The following MEF2B variants were observed in gnomAD, a reference collection of about 807,000 sequenced individuals.
MEF2B encodes the protein myocyte-specific enhancer factor 2B.
Under a neutral mutation model 32.2 loss-of-function variants are expected in MEF2B, and 15 were observed. That is an observed-to-expected ratio of 0.47 (90% CI 0.31 to 0.72). MEF2B has a LOEUF of 0.72. Among genes scored for constraint, MEF2B ranks in the 30% least tolerant of loss-of-function variants. The pLI, the probability that MEF2B is intolerant of heterozygous loss-of-function variation, is 0.05. For missense variants in MEF2B, 441 were observed against 511.5 expected (o/e 0.86, Z 1.33); for synonymous variants, 205 against 225.6 (o/e 0.91, Z 0.82).
At chr19:19,162,213 G>T (rs1236702970) in intron 1 of MEF2B, among the ~76,000 whole-genome samples, 2 of 152,048 alleles carry the variant, frequency 1.3e-5, no homozygotes, top group African/African-American at 4.8e-5. Context: ...CCAATTCCTG[G>T]GCTTAAGCAT....
At chr19:19,146,223 C>T (rs2060024836) in intron 8 of MEF2B, 50 bp downstream of exon 8, 2 of 898,232 alleles carry the variant, frequency 2.2e-6, no homozygotes, top group Non-Finnish European at 1.6e-6. Context: ...GGGTCAGCAG[C>T]GGCCGGGGCT....
intron 1 of MEF2B, among the ~76,000 whole-genome samples, chr19:19,153,116 GC>G (rs759449041): frequency 1.6e-4 from 25 of 152,320 alleles, no homozygotes; most frequent in Middle Eastern, 3.4e-3. Flanking sequence ...TGCCCCTGAT[GC>G]CCAGGGTCCC....
At chr19:19,153,632 T>G (rs1434138034) in intron 1 of MEF2B, among the ~76,000 whole-genome samples, 2 of 152,216 alleles carry the variant, frequency 1.3e-5, no homozygotes, top group South Asian at 2.1e-4. Flanking sequence ...AATTTTTGTA[T>G]TTTTAGTAGA....
chr19:19,150,669 C>T lies in MEF2B; in HGVS notation c.54+13G>A. ...ATGTCTTTCCCAGCCACTGTTCCAC[C>T]CAGTGAACTCACCTGCCGATTCCTT... On this transcript the variant is annotated intron_variant, in intron 2 of 8. Transcript: ENST00000424583. The T allele has an allele frequency of 6.2e-7, 1 of 1,614,194 alleles. No homozygotes were observed. Among genetic ancestry groups the T allele is most frequent in the South Asian group, 1.1e-5 (1 of 91,086 alleles).
intron 1 of MEF2B, among the ~76,000 whole-genome samples, chr19:19,163,225 G>A (rs1277357702): frequency 2.0e-5 from 3 of 151,908 alleles, no homozygotes; most frequent in Admixed American, 6.6e-5. Flanking sequence ...GTGTGGTCTC[G>A]ACTCACTGCA....
chr19:19,150,821 C>A, intron 1 of MEF2B, 57 bp from the exon 2 acceptor site: 3 of 1,590,444 alleles, frequency 1.9e-6, no homozygotes, highest in Non-Finnish European at 2.6e-6. Flanking sequence ...GGAGGGGTAC[C>A]CCAGCCTCAC....
chr19:19,166,491 C>T (rs1043261318), intron 1 of MEF2B, among the ~76,000 whole-genome samples: 1 of 151,854 alleles, frequency 6.6e-6, no homozygotes, highest in Non-Finnish European at 1.5e-5. Flanking sequence ...TGGTTGGGCT[C>T]ATGCCTGTAA....
chr19:19,151,570 C>A (rs377560169), intron 1 of MEF2B, among the ~76,000 whole-genome samples: 3 of 152,278 alleles, frequency 2.0e-5, no homozygotes, highest in African/African-American at 7.2e-5. Context: ...CCTGACACCA[C>A]AGGGGACGTC....
At chr19:19,169,908 G>A (rs2146392391) in intron 1 of MEF2B, among the ~76,000 whole-genome samples, 1 of 152,192 alleles carries the variant, frequency 6.6e-6, no homozygotes, top group African/African-American at 2.4e-5. Flanking sequence ...GGGCCTCACA[G>A]CACCATGATT....
At chr19:19,149,051 C>G (rs562724555) in intron 3 of MEF2B, among the ~76,000 whole-genome samples, 175 bp downstream of exon 3, 1 of 151,676 alleles carries the variant, frequency 6.6e-6, no homozygotes, top group Non-Finnish European at 1.5e-5. Flanking sequence ...AGGGCTCCCC[C>G]ACTCCCAAAT....
chr19:19,161,368 C>T (rs1446009542), intron 1 of MEF2B, among the ~76,000 whole-genome samples: 2 of 151,928 alleles, frequency 1.3e-5, no homozygotes, highest in Non-Finnish European at 2.9e-5. Flanking sequence ...CCAAACAGAG[C>T]CGCAGAAAAT....
chr19:19,151,494 G>A (rs539293548), intron 1 of MEF2B, among the ~76,000 whole-genome samples: 1 of 152,090 alleles, frequency 6.6e-6, no homozygotes, highest in Non-Finnish European at 1.5e-5. Flanking sequence ...ACCCCCACTC[G>A]AGGTTCCTGG....
intron 1 of MEF2B, among the ~76,000 whole-genome samples, chr19:19,159,001 C>T (rs1348474857): frequency 6.0e-5 from 9 of 150,368 alleles, no homozygotes; most frequent in African/African-American, 1.2e-4. Flanking sequence ...AGTGCAGTGG[C>T]GCAATCTCAG....
intron 1 of MEF2B, among the ~76,000 whole-genome samples, chr19:19,169,933 A>G: frequency 6.6e-6 from 1 of 152,056 alleles, no homozygotes; most frequent in East Asian, 1.9e-4. Flanking sequence ...ACACACAGCT[A>G]ACTCTCCAAC....
chr19:19,147,726 T>C lies in MEF2B; in HGVS notation c.365A>G (p.Asp122Gly), dbSNP rs755482500. Reference sequence around the variant, plus strand: ...CAGCCGGGGTCGGGGCAAGGCCGGATCACCCCCTTCGCCTGCCAGCCTCCG... The same window carrying C: ...CAGCCGGGGTCGGGGCAAGGCCGGACCACCCCCTTCGCCTGCCAGCCTCCG... Reference protein sequence around the residue: ...KFRRLAGEGGDPALPRPRLYP... With the variant: ...KFRRLAGEGGGPALPRPRLYP... The change falls in exon 4 of 9, where the codon GAT becomes GGT. Residue 122 changes from aspartate to glycine, a missense_variant. By Grantham distance (94) the Asp-to-Gly change is moderately conservative. Coordinates refer to ENST00000424583, the MANE Select transcript of MEF2B (RefSeq NM_001145785.2). 6.2e-7 allele frequency: 1 copy of C among 1,613,764 alleles called. No individual in the cohort carries two copies. Among genetic ancestry groups the C allele is most frequent in the Non-Finnish European group, 8.5e-7 (1 of 1,179,880 alleles).
Position 19,146,387 on chromosome 19 carries a change from G to T in MEF2B, c.770-3C>A. 2 of 1,103,430 alleles carry T rather than the reference G, an allele frequency of 1.8e-6. No individual in the cohort carries two copies. The highest frequency in any genetic ancestry group is 1.9e-5 in the South Asian group (1 of 53,944). The allele number at this position is 1,103,430 out of a possible 1,614,324, so 68.4% of individuals were successfully genotyped here. On this transcript the variant is annotated splice_polypyrimidine_tract_variant and splice_region_variant and intron_variant, in intron 7 of 8. Coordinates refer to ENST00000424583, the MANE Select transcript of MEF2B (RefSeq NM_001145785.2). ...TGGAGGGTCTCCCAGGCCATATTCTGGTGGGCAGGAATTGGGGGCTGAGGC... is the reference window on the plus strand; with the variant it reads ...TGGAGGGTCTCCCAGGCCATATTCTTGTGGGCAGGAATTGGGGGCTGAGGC...
intron 3 of MEF2B, among the ~76,000 whole-genome samples, chr19:19,148,396 C>T (rs1219338874): frequency 6.6e-6 from 1 of 152,128 alleles, no homozygotes; most frequent in Non-Finnish European, 1.5e-5. Flanking sequence ...ATCCGAGAGG[C>T]GGAGGTTGCG....
At chr19:19,153,832 C>T (rs1336593485) in intron 1 of MEF2B, among the ~76,000 whole-genome samples, 6 of 152,132 alleles carry the variant, frequency 3.9e-5, no homozygotes, top group Non-Finnish European at 7.4e-5. Context: ...CTCATTGCAG[C>T]CTTGACCTCC....
chr19:19,151,161 G>A (rs1377449213), intron 1 of MEF2B, among the ~76,000 whole-genome samples: 1 of 152,200 alleles, frequency 6.6e-6, no homozygotes, highest in Non-Finnish European at 1.5e-5. Flanking sequence ...GCTGAAGTAG[G>A]ATGATCACTT....
Sources: allele counts gnomAD v4.1 joint callset (sites outside exome capture counted in the v4.1 genomes callset), GRCh38; gene constraint gnomAD v4.1.1; transcripts MANE v1.5; gene names NCBI Gene and HGNC (gene_info 2026-07-23, HGNC 2026-07-21).